RBMS3: variants seen among roughly 807,000 people sequenced by gnomAD.
RBMS3 encodes the protein RNA-binding motif, single-stranded-interacting protein 3.
RBMS3 carries 27 observed loss-of-function variants against 66.8 expected under a neutral mutation model. The observed-to-expected ratio is 0.40, with a 90% CI of 0.30 to 0.56. The LOEUF is 0.56. Among genes scored for constraint, RBMS3 ranks in the 20% least tolerant of loss-of-function variants. The pLI is 0.40. For synonymous variants in RBMS3, 188 were observed against 183.0 expected (o/e 1.03, Z -0.22); for missense variants, 513 against 549.5 (o/e 0.93, Z 0.66).
At chr3:29,817,659 G>T (rs912335986) in intron 6 of RBMS3, among the ~76,000 whole-genome samples, 5 of 152,056 alleles carry the variant, frequency 3.3e-5, no homozygotes, top group East Asian at 3.9e-4. Context: ...AAATGCTTTT[G>T]CTCAGCATGC....
Position 29,491,716 on chromosome 3 carries a change from G to A in RBMS3, c.307+3217G>A, listed in dbSNP as rs532754823. Among the ~76,000 whole-genome samples the A allele has an allele frequency of 8.5e-5, 13 of 152,274 alleles. No individual in the cohort carries two copies. In the South Asian group the frequency reaches 1.2e-3, roughly 15 times the overall value. On this transcript the variant is annotated intron_variant, in intron 3 of 14. Coordinates refer to ENST00000383767, the MANE Select transcript of RBMS3 (RefSeq NM_001003793.3). ...TAAGAAATTGGACAGCGGTTAGGCCGGGCGCAGTGGCTCATGCCTGTAATC... is the reference window on the plus strand; with the variant it reads ...TAAGAAATTGGACAGCGGTTAGGCCAGGCGCAGTGGCTCATGCCTGTAATC...
At chr3:29,964,909 T>C (rs755734539) in intron 12 of RBMS3, among the ~76,000 whole-genome samples, 15 of 152,078 alleles carry the variant, frequency 9.9e-5, no homozygotes, top group Non-Finnish European at 2.2e-4. Context: ...GTCAATTATA[T>C]CATTCTTATG....
In RBMS3 at chr3:30,009,686, T is replaced by C. The variant is rs1194533921; in HGVS notation, c.*5824T>C. On this transcript the variant is annotated 3_prime_UTR_variant, in exon 15 of 15. Coordinates refer to ENST00000383767, the MANE Select transcript of RBMS3 (RefSeq NM_001003793.3). ...TCTTTCTTTGACCAAAACTATTGCA[T>C]TGTTTTCATTACATTTTGACTGCGT... 1 of 152,170 alleles carries C rather than the reference T, an allele frequency of 6.6e-6. No homozygotes were observed. The highest frequency in any genetic ancestry group is 2.4e-5 in the African/African-American group (1 of 41,444). The allele number at this position is 152,170 out of a possible 1,614,324, so 9.4% of individuals were successfully genotyped here. A position where few individuals can be genotyped will look rare whatever the true frequency, so the allele number is the denominator to read the frequency against.
chr3:29,479,688 A>G lies in RBMS3; in HGVS notation c.249-8753A>G, dbSNP rs200203501. 7.2e-5 allele frequency among the ~76,000 whole-genome samples: 11 copies of G among 152,330 alleles called. No homozygotes were observed. The East Asian group carries it at 1.9e-3, about 27-fold the overall frequency. ...TAGCAAGAAAAGGGGAAATTAGACA[A>G]TAGTTCCAAGATCACAAACAGATTC... is the stretch of plus-strand genomic sequence containing the variant. On this transcript the variant is annotated intron_variant, in intron 2 of 14. Coordinates refer to ENST00000383767, the MANE Select transcript of RBMS3 (RefSeq NM_001003793.3).
chr3:29,333,395 A>G (rs1161912912), intron 1 of RBMS3, among the ~76,000 whole-genome samples: 1 of 152,270 alleles, frequency 6.6e-6, no homozygotes, highest in African/African-American at 2.4e-5. Context: ...TATAACATTC[A>G]GTGCTGAGAC....
intron 1 of RBMS3, among the ~76,000 whole-genome samples, chr3:29,382,764 C>T (rs961916846): frequency 1.3e-5 from 2 of 152,050 alleles, no homozygotes; most frequent in African/African-American, 2.4e-5. Flanking sequence ...ATACTACCAC[C>T]GTTTAAACTA....
At chr3:29,972,345 C>T (rs1157299670) in intron 12 of RBMS3, among the ~76,000 whole-genome samples, 2 of 151,894 alleles carry the variant, frequency 1.3e-5, no homozygotes, top group Non-Finnish European at 2.9e-5. Flanking sequence ...TGCACAGTTC[C>T]CAGAGGTATT....
chr3:29,426,009 G>A (rs1034459781), intron 1 of RBMS3, among the ~76,000 whole-genome samples: 1 of 152,062 alleles, frequency 6.6e-6, no homozygotes, highest in Non-Finnish European at 1.5e-5. Flanking sequence ...TGTTCATATT[G>A]TAGCTAACAC....
chr3:29,584,559 T>A (rs2047443509), intron 3 of RBMS3, among the ~76,000 whole-genome samples: 1 of 152,108 alleles, frequency 6.6e-6, no homozygotes, highest in Non-Finnish European at 1.5e-5. Flanking sequence ...AGACCAATAA[T>A]TAGATTTTCC....
intron 3 of RBMS3, among the ~76,000 whole-genome samples, chr3:29,581,979 T>A (rs1215998402): frequency 6.6e-6 from 1 of 152,168 alleles, no homozygotes; most frequent in African/African-American, 2.4e-5. Flanking sequence ...CACAGAAGTA[T>A]AAAATAAGCT....
chr3:29,991,252 AT>A, intron 14 of RBMS3, 43 bp downstream of exon 14: 1 of 1,613,150 alleles, frequency 6.2e-7, no homozygotes, highest in Non-Finnish European at 8.5e-7. Context: ...AAGATCAGCC[AT>A]CTTGACATCA....
intron 2 of RBMS3, among the ~76,000 whole-genome samples, chr3:29,451,124 C>T (rs1417633549): frequency 6.6e-6 from 1 of 152,182 alleles, no homozygotes; most frequent in Non-Finnish European, 1.5e-5. Flanking sequence ...TTTCCAGATC[C>T]TGCGAATGTT....
chr3:29,630,169 T>C (rs142939468), intron 4 of RBMS3, among the ~76,000 whole-genome samples: 9 of 152,160 alleles, frequency 5.9e-5, no homozygotes, highest in African/African-American at 2.2e-4. Flanking sequence ...TCATTTTCCA[T>C]GGAACAAGAA....
intron 2 of RBMS3, among the ~76,000 whole-genome samples, chr3:29,446,069 T>C (rs966014437): frequency 2.0e-5 from 3 of 152,160 alleles, no homozygotes; most frequent in Non-Finnish European, 4.4e-5. Flanking sequence ...TATAATCATA[T>C]TCTAAGAAGT....
intron 1 of RBMS3, among the ~76,000 whole-genome samples, chr3:29,323,547 C>A (rs1251438571): frequency 2.0e-5 from 3 of 152,076 alleles, no homozygotes; most frequent in Non-Finnish European, 2.9e-5. Context: ...TTAACTCCAG[C>A]ACACATAGTA....
intron 1 of RBMS3, among the ~76,000 whole-genome samples, chr3:29,422,137 T>C (rs2040765864): frequency 6.6e-6 from 1 of 152,144 alleles, no homozygotes. Context: ...AGAGGTGGCA[T>C]AGAGGTAAAG....
intron 4 of RBMS3, among the ~76,000 whole-genome samples, chr3:29,688,319 G>A (rs574454708): frequency 3.4e-4 from 51 of 152,084 alleles, no homozygotes; most frequent in Non-Finnish European, 5.6e-4. Flanking sequence ...AATACTTATC[G>A]CAAGTTGAAG....
At chr3:29,410,416 T>C (rs2040213219) in intron 1 of RBMS3, among the ~76,000 whole-genome samples, 1 of 152,190 alleles carries the variant, frequency 6.6e-6, no homozygotes. Flanking sequence ...AGTATGCAAA[T>C]TGCCTAAAAG....
chr3:29,488,413 T>C (rs2043402905), intron 2 of RBMS3, 28 bp from the exon 3 acceptor site: 1 of 1,519,456 alleles, frequency 6.6e-7, no homozygotes, highest in Non-Finnish European at 8.9e-7. Flanking sequence ...TACAATAACA[T>C]GGGTTTTTTT....
Sources: allele counts gnomAD v4.1 joint callset (sites outside exome capture counted in the v4.1 genomes callset), GRCh38; gene constraint gnomAD v4.1.1; transcripts MANE v1.5; gene names NCBI Gene and HGNC (gene_info 2026-07-23, HGNC 2026-07-21).